CAPN3: variants seen among roughly 807,000 people sequenced by gnomAD.
CAPN3 encodes the protein calpain-3.
A neutral mutation model predicts 114.0 loss-of-function variants in CAPN3; 88 were observed. The observed-to-expected ratio is 0.77, with a 90% CI of 0.65 to 0.92. CAPN3 has a LOEUF of 0.92. Ranked by LOEUF, CAPN3 falls within the 40% of genes least tolerant of loss-of-function variation. The pLI is 0.00. For missense variants in CAPN3, 1,028 were observed against 1,069.0 expected, an observed-to-expected ratio of 0.96 and a Z score of 0.53; for synonymous variants, 386 against 382.9, an observed-to-expected ratio of 1.01 and a Z score of -0.09.
At position 42,411,780 on chromosome 15, in the gene CAPN3, C is replaced by T; in HGVS notation, c.*7C>T. On this transcript the variant is annotated 3_prime_UTR_variant, in exon 24 of 24. Coordinates refer to ENST00000397163, the MANE Select transcript of CAPN3 (RefSeq NM_000070.3). ...GCTCACCATGTATGCCTGAACCAGGCTGGCCTCATCCAAAGCCATGCAGGA... is the reference window on the plus strand; with the variant it reads ...GCTCACCATGTATGCCTGAACCAGGTTGGCCTCATCCAAAGCCATGCAGGA... 1 of 1,608,200 alleles carries T rather than the reference C, an allele frequency of 6.2e-7. No individual in the cohort carries two copies. The highest frequency in any genetic ancestry group is 8.5e-7 in the Non-Finnish European group (1 of 1,177,328).
intron 1 of CAPN3, among the ~76,000 whole-genome samples, chr15:42,369,958 C>A (rs2052900022): frequency 6.6e-6 from 1 of 150,444 alleles, no homozygotes; most frequent in African/African-American, 2.5e-5. Context: ...CTGCAACATA[C>A]ATCTCCTGGG....
At chr15:42,370,822 A>G (rs1340649349) in intron 1 of CAPN3, among the ~76,000 whole-genome samples, 1 of 152,176 alleles carries the variant, frequency 6.6e-6, no homozygotes, top group Non-Finnish European at 1.5e-5. Context: ...TAAGGTAGCA[A>G]TTACTATTAG....
intron 5 of CAPN3, 69 bp from the exon 6 acceptor site, chr15:42,389,884 C>A: frequency 1.3e-6 from 2 of 1,543,290 alleles, no homozygotes; most frequent in Non-Finnish European, 1.8e-6. Context: ...CTCTCCTTCC[C>A]TTTCCACCCT....
chr15:42,372,663 C>T (rs2052983881), intron 1 of CAPN3, among the ~76,000 whole-genome samples: 1 of 152,002 alleles, frequency 6.6e-6, no homozygotes. Flanking sequence ...GCCTGGCCAA[C>T]ATGGTGAAAC....
At chr15:42,382,361 T>TTTTTTG (rs1316243075) in intron 1 of CAPN3, among the ~76,000 whole-genome samples, 1 of 151,856 alleles carries the variant, frequency 6.6e-6, no homozygotes, top group Non-Finnish European at 1.5e-5. Flanking sequence ...TATAGTGGGG[T>TTTTTTG]TTTTTGTTTT....
intron 19 of CAPN3, 61 bp downstream of exon 19, chr15:42,410,056 A>C: frequency 6.7e-7 from 1 of 1,490,384 alleles, no homozygotes; most frequent in Non-Finnish European, 9.4e-7. Context: ...CCAAGGCAAC[A>C]TACAGGGTGC....
intron 1 of CAPN3, among the ~76,000 whole-genome samples, chr15:42,379,998 C>T (rs913954110): frequency 8.5e-5 from 13 of 152,164 alleles, no homozygotes; most frequent in African/African-American, 2.9e-4. Flanking sequence ...TGCTTGTAAT[C>T]GCAGCTACTC....
intron 1 of CAPN3, 29 bp downstream of exon 1, chr15:42,360,143 T>C: frequency 6.2e-7 from 1 of 1,613,502 alleles, no homozygotes; most frequent in Non-Finnish European, 8.5e-7. Flanking sequence ...GCTGGCTGGG[T>C]TTTCCCCCCA....
At chr15:42,360,236 C>G (rs941153198) in intron 1 of CAPN3, 122 bp downstream of exon 1, 24 of 1,046,050 alleles carry the variant, frequency 2.3e-5, no homozygotes, top group Non-Finnish European at 3.4e-5. Context: ...AGCAGCTCTG[C>G]TGGGCTCTGT....
chr15:42,360,718 G>T (rs1349605371), intron 1 of CAPN3, among the ~76,000 whole-genome samples: 2 of 152,114 alleles, frequency 1.3e-5, no homozygotes, highest in African/African-American at 4.8e-5. Context: ...GAGGAGTCAA[G>T]GCACACTAGA....
intron 2 of CAPN3, among the ~76,000 whole-genome samples, 193 bp downstream of exon 2, chr15:42,384,745 T>G (rs2053346634): frequency 6.6e-6 from 1 of 152,208 alleles, no homozygotes; most frequent in African/African-American, 2.4e-5. Context: ...CATGCCTCTT[T>G]AGCACTCTGC....
chr15:42,363,432 G>T (rs773042591), intron 1 of CAPN3, among the ~76,000 whole-genome samples: 4 of 152,164 alleles, frequency 2.6e-5, no homozygotes, highest in Admixed American at 2.6e-4. Flanking sequence ...AGGGCAGGTC[G>T]TGTTTCATTC....
intron 8 of CAPN3, 23 bp from the exon 9 acceptor site, chr15:42,396,777 T>G: frequency 6.3e-7 from 1 of 1,599,024 alleles, no homozygotes; most frequent in Non-Finnish European, 8.6e-7. Context: ...CCTGCTTCCT[T>G]AATTCCTCCA....
rs150752895 is a variant in CAPN3 at position 42,363,456 on chromosome 15, G to C, written c.309+3342G>C. The stretch of plus-strand genomic sequence containing the variant: ...CGTGTTTCATTCCATGGGGTGGAAG[G>C]TTCAATTGCACCACACTCCTGGCCT... On this transcript the variant is annotated intron_variant, in intron 1 of 23. Transcript: ENST00000397163. 2.0e-4 allele frequency among the ~76,000 whole-genome samples: 30 copies of C among 152,264 alleles called. No individual in the cohort carries two copies. The East Asian group carries it at 5.4e-3, about 27-fold the overall frequency.
Position 42,402,961 on chromosome 15 carries a change from A to G in CAPN3, c.1704A>G (p.Glu568=), listed in dbSNP as rs143066571. ...CCTACGAGCCCCACCAGGAGGGGGA[A>G]TTCATCCTCCGGGTCTTCTCTGAAA... is the stretch of plus-strand genomic sequence containing the variant. ...PSTYEPHQEG[E]FILRVFSEKR... The change falls in exon 13 of 24, where the codon GAA becomes GAG. Residue 568 remains glutamate (E), a synonymous_variant. Transcript: ENST00000397163. 6.2e-6 allele frequency: 10 copies of G among 1,614,054 alleles called. No homozygotes were observed. The African/African-American group carries it at 1.1e-4, about 17-fold the overall frequency.
At chr15:42,385,365 CT>C (rs2053365698) in intron 2 of CAPN3, among the ~76,000 whole-genome samples, 2 of 152,216 alleles carry the variant, frequency 1.3e-5, no homozygotes, top group Admixed American at 1.3e-4. Flanking sequence ...CCAATAACCT[CT>C]TTCCAAGGAA....
chr15:42,360,711 G>A (rs1216869043), intron 1 of CAPN3, among the ~76,000 whole-genome samples: 2 of 152,104 alleles, frequency 1.3e-5, no homozygotes, highest in African/African-American at 4.8e-5. Context: ...CATAAGTGAG[G>A]AGTCAAGGCA....
intron 12 of CAPN3, chr15:42,402,543 A>C (rs2053902459): frequency 1.4e-6 from 2 of 1,453,300 alleles, no homozygotes; most frequent in African/African-American, 1.4e-5. Flanking sequence ...TTCGGAGCTG[A>C]GGAGCAGCTG....
At chr15:42,390,206 C>G in intron 6 of CAPN3, 110 bp downstream of exon 6, 1 of 1,200,470 alleles carries the variant, frequency 8.3e-7, no homozygotes, top group Non-Finnish European at 1.2e-6. Context: ...CACACCCCCA[C>G]CTGGCACCTC....
Sources: gnomAD v4.1 joint callset for allele counts (sites outside exome capture counted in the v4.1 genomes callset) on GRCh38, gnomAD v4.1.1 for gene constraint, MANE v1.5 for transcripts, NCBI Gene and HGNC (gene_info 2026-07-23, HGNC 2026-07-21) for gene names.